Variants in PAK4 observed in about 807,000 individuals in gnomAD.
PAK4 encodes p21 (RAC1) activated kinase 4, also known as serine/threonine-protein kinase PAK 4.
PAK4 carries 49 observed loss-of-function variants against 53.5 expected under a neutral mutation model. That is an observed-to-expected ratio of 0.92 (90% CI 0.73 to 1.16). PAK4 has a LOEUF of 1.16. PAK4 is among the 50% of genes most tolerant of loss of function. The pLI, the probability that PAK4 is intolerant of heterozygous loss-of-function variation, is 0.00. For synonymous variants in PAK4, 376 were observed against 375.6 expected (o/e 1.00, Z -0.01); for missense variants, 824 against 850.7 (o/e 0.97, Z 0.39).
At position 39,173,836 on chromosome 19, in the gene PAK4, G is replaced by A. The variant is rs1453521333; in HGVS notation, c.924G>A (p.Leu308=). The change falls in exon 4 of 9, where the codon CTG becomes CTA. Residue 308 remains leucine (L), a synonymous_variant. Coordinates refer to ENST00000358301, the Ensembl canonical transcript of PAK4. This position sits in a 1 kb window ranked among gnomAD's most constrained non-coding sequence, Gnocchi z 6.9. ...CCCATGAGCAGTTCCGGGCTGCCCTGCAGCTGGTGGTGGACCCAGGCGACC... is the reference window on the plus strand; with the variant it reads ...CCCATGAGCAGTTCCGGGCTGCCCTACAGCTGGTGGTGGACCCAGGCGACC... 6.2e-7 allele frequency: 1 copy of A among 1,612,484 alleles called. No homozygotes were observed. Among genetic ancestry groups the A allele is most frequent in the African/African-American group, 1.3e-5 (1 of 74,886 alleles).
intron 4 of PAK4, 56 bp from the exon 6 acceptor site, chr19:39,174,875 G>T (rs1600408472): frequency 6.2e-7 from 1 of 1,608,362 alleles, no homozygotes; most frequent in Non-Finnish European, 8.5e-7. Flanking sequence ...CGGTGGCTGG[G>T]TCTGGCACTG....
At chr19:39,177,621 C>T (rs1038843358) in intron 7 of PAK4, 54 bp from the exon 9 acceptor site, 3 of 1,574,118 alleles carry the variant, frequency 1.9e-6, no homozygotes, top group South Asian at 1.2e-5. Context: ...GAGGCCTCCC[C>T]AGGACCCACC....
Position 39,127,272 on chromosome 19 carries a change from A to G in PAK4, c.-23+1353A>G, listed in dbSNP as rs1216437551. Among the ~76,000 whole-genome samples the G allele has an allele frequency of 2.6e-5, 4 of 151,726 alleles. No individual in the cohort carries two copies. The South Asian group carries it at 6.2e-4, about 24-fold the overall frequency. Reference sequence around the variant, plus strand: ...CACCTCACTTCTTATGGCTCTGCCCATTTCTCCCCAGCCCCTTTACTGTTC... The same window carrying G: ...CACCTCACTTCTTATGGCTCTGCCCGTTTCTCCCCAGCCCCTTTACTGTTC... On this transcript the variant is annotated intron_variant, in intron 1 of 8. Transcript: ENST00000358301.
At chr19:39,130,756 G>C (rs1296717828) in intron 1 of PAK4, among the ~76,000 whole-genome samples, 1 of 152,018 alleles carries the variant, frequency 6.6e-6, no homozygotes, top group Non-Finnish European at 1.5e-5. Flanking sequence ...GGATACAGCA[G>C]GGCCTAGCAG....
rs2074648217 is a variant in PAK4 at position 39,178,224 on chromosome 19, C to T, written c.1621-200C>T. 2.0e-5 allele frequency among the ~76,000 whole-genome samples: 3 copies of T among 152,084 alleles called. No individual in the cohort carries two copies. Among genetic ancestry groups the T allele is most frequent in the Non-Finnish European group, 4.4e-5 (3 of 67,988 alleles). On this transcript the variant is annotated intron_variant, in intron 8 of 8. Coordinates refer to ENST00000358301, the Ensembl canonical transcript of PAK4. The surrounding 1 kb of genome is among the most constrained non-coding windows in gnomAD (Gnocchi z 4.4). ...CAGGGTTTGTCACTTCCTCTGGGGC[C>T]ACATAGTAAGCGCCATCACAGGTGC... is the stretch of plus-strand genomic sequence containing the variant.
rs755271000 is a variant in PAK4, at chr19:39,175,281, C to G, written c.1233-31C>G. ...CTCGGCACCCCGGGGTGCTGTCCAG[C>G]TGGCTGCTCACCCCCCACCCCACCC... On this transcript the variant is annotated intron_variant, in intron 5 of 8. Coordinates refer to ENST00000358301, the Ensembl canonical transcript of PAK4. The surrounding 1 kb of genome is among the most constrained non-coding windows in gnomAD (Gnocchi z 4.7). The G allele has an allele frequency of 1.3e-6, 2 of 1,555,322 alleles. No individual in the cohort carries two copies. The highest frequency in any genetic ancestry group is 2.7e-5 in the African/African-American group (2 of 73,630).
At chr19:39,155,921 C>T (rs905482053) in intron 1 of PAK4, among the ~76,000 whole-genome samples, 5 of 152,232 alleles carry the variant, frequency 3.3e-5, no homozygotes, top group Admixed American at 3.3e-4. Context: ...CAGAATATGG[C>T]CTTGTCACGT....
chr19:39,169,442 G>A, intron 1 of PAK4, 90 bp from the exon 3 acceptor site: 1 of 936,220 alleles, frequency 1.1e-6, no homozygotes, highest in Non-Finnish European at 1.7e-6. Flanking sequence ...TGGTCCCGGT[G>A]TAAGATGAGG....
intron 1 of PAK4, among the ~76,000 whole-genome samples, chr19:39,164,010 C>T (rs898180527): frequency 6.6e-6 from 1 of 152,222 alleles, no homozygotes; most frequent in Non-Finnish European, 1.5e-5. Context: ...GGCCCGGTGG[C>T]TCACGCCTGT....
At chr19:39,148,292 G>A in intron 1 of PAK4, among the ~76,000 whole-genome samples, 1 of 151,356 alleles carries the variant, frequency 6.6e-6, no homozygotes, top group Admixed American at 6.6e-5. Flanking sequence ...CAGATACGTG[G>A]TTTGCAAATA....
At chr19:39,165,739 C>T (rs944807214) in intron 1 of PAK4, among the ~76,000 whole-genome samples, 10 of 152,106 alleles carry the variant, frequency 6.6e-5, no homozygotes, top group African/African-American at 2.4e-4. Context: ...CTTCCCTTCT[C>T]TGGGCCTCAG....
At chr19:39,155,390 G>A (rs1231182637) in intron 1 of PAK4, among the ~76,000 whole-genome samples, 2 of 152,148 alleles carry the variant, frequency 1.3e-5, no homozygotes, top group African/African-American at 2.4e-5. Context: ...GGCATGGGGA[G>A]GTGCAGGGTG....
At position 39,166,150 on chromosome 19, in the gene PAK4, G is replaced by A. The variant is rs545741734; in HGVS notation, c.-22-3382G>A. Among the ~76,000 whole-genome samples the A allele has an allele frequency of 4.6e-5, 7 of 152,298 alleles. No individual in the cohort carries two copies. In the East Asian group the frequency reaches 5.8e-4, roughly 13 times the overall value. The stretch of plus-strand genomic sequence containing the variant: ...AGGCCCTCCGTGCCCTCTGTTCTGC[G>A]TAATTCCTTATAAAAACTCCAGGAA... On this transcript the variant is annotated intron_variant, in intron 1 of 8. Coordinates refer to ENST00000358301, the Ensembl canonical transcript of PAK4.
At position 39,164,737 on chromosome 19, in the gene PAK4, CT is replaced by C. The variant is rs1412078271; in HGVS notation, c.-22-4793del. ...TCCAGGCCCAGCTCTGCTCGGTGAG[CT>C]TAGTGAGAGATTTTACCTTTGTGAG... On this transcript the variant is annotated intron_variant, in intron 1 of 8. Coordinates refer to ENST00000358301, the Ensembl canonical transcript of PAK4. 2.6e-5 allele frequency among the ~76,000 whole-genome samples: 4 copies of C among 152,270 alleles called. No homozygotes were observed. In the East Asian group the frequency reaches 7.7e-4, roughly 29 times the overall value.
chr19:39,171,555 G>A (rs908774686), intron 2 of PAK4, among the ~76,000 whole-genome samples: 5 of 152,202 alleles, frequency 3.3e-5, no homozygotes, highest in African/African-American at 1.2e-4. Flanking sequence ...TTGACTTCCT[G>A]GGGCCCCTGG....
Position 39,177,633 on chromosome 19 carries a change from T to TC in PAK4, c.1486-37dup, listed in dbSNP as rs775606885. On this transcript the variant is annotated intron_variant, in intron 7 of 8. Transcript: ENST00000358301. ...CCTGAGGCCTCCCCAGGACCCACCA[T>TC]CCCCCAACAGCTCAGCCCTGCTGTC... is the stretch of plus-strand genomic sequence containing the variant. 5 of 1,587,120 alleles carry TC rather than the reference T, an allele frequency of 3.2e-6. No individual in the cohort carries two copies. In the East Asian group the frequency reaches 9.1e-5, roughly 29 times the overall value.
intron 1 of PAK4, among the ~76,000 whole-genome samples, chr19:39,165,333 T>G (rs1600382656): frequency 7.5e-6 from 1 of 133,758 alleles, no homozygotes; most frequent in Non-Finnish European, 1.6e-5. Flanking sequence ...AAACCCCATC[T>G]CTACTAAAAA....
At chr19:39,177,064 A>G (rs1411572173) in intron 7 of PAK4, among the ~76,000 whole-genome samples, 2 of 151,988 alleles carry the variant, frequency 1.3e-5, no homozygotes, top group African/African-American at 4.8e-5. Context: ...TGGGGGTTTC[A>G]CCATGTTGGC....
At position 39,158,113 on chromosome 19, in the gene PAK4, TTG is replaced by T. The variant is rs566972234; in HGVS notation, c.-22-11414_-22-11413del. Among the ~76,000 whole-genome samples, 289 of 150,664 alleles carry T rather than the reference TTG, an allele frequency of 1.9e-3. 2 individuals carry two copies. Among genetic ancestry groups the T allele is most frequent in the African/African-American group, 6.0e-3 (247 of 40,920 alleles). Reference sequence around the variant, plus strand: ...GCATGTGTGTGCATGCATGTGAGCATTGTGTGAGTGCGTGCGTGCATGTGTGA... The same window carrying T: ...GCATGTGTGTGCATGCATGTGAGCATTGTGAGTGCGTGCGTGCATGTGTGA... On this transcript the variant is annotated intron_variant, in intron 1 of 8. Coordinates refer to ENST00000358301, the Ensembl canonical transcript of PAK4.
Sources: allele counts gnomAD v4.1 joint callset (sites outside exome capture counted in the v4.1 genomes callset), GRCh38; gene constraint gnomAD v4.1.1; non-coding constraint Gnocchi (gnomAD v3.1); transcripts MANE v1.5; gene names NCBI Gene and HGNC (gene_info 2026-07-23, HGNC 2026-07-21).